Variants in ADORA2B observed in about 807,000 individuals in gnomAD.
The protein encoded by ADORA2B is adenosine A2b receptor.
Under a neutral mutation model 20.8 loss-of-function variants are expected in ADORA2B, and 18 were observed. The ratio of observed to expected loss-of-function variants is 0.87; its 90% CI spans 0.60 to 1.29. The LOEUF is 1.29. ADORA2B is among the 50% of genes most tolerant of loss of function. ADORA2B has a pLI of 0.00. For synonymous variants in ADORA2B, 179 were observed against 178.3 expected (o/e 1.00, Z -0.03); for missense variants, 441 against 422.7 (o/e 1.04, Z -0.38).
chr17:15,880,996 C>T, the ADORA2B span, among the ~76,000 whole-genome samples: 6,904 of 152,240 alleles, frequency 0.045, 383 homozygotes, highest in African/African-American at 0.13. Context: ...AGGGAGGATC[C>T]GTTTTTGCCA....
chr17:15,929,931 G>T, the ADORA2B span, among the ~76,000 whole-genome samples: 1 of 152,166 alleles, frequency 6.6e-6, no homozygotes, highest in Non-Finnish European at 1.5e-5. Flanking sequence ...TGAGAAAGGT[G>T]AGGTGAATGG....
intron 1 of ADORA2B, among the ~76,000 whole-genome samples, chr17:15,956,112 G>A (rs1430324215): frequency 6.6e-6 from 1 of 152,126 alleles, no homozygotes; most frequent in African/African-American, 2.4e-5. Flanking sequence ...GAGTTTCTTC[G>A]CTTTTTTTCC....
Position 15,975,202 on chromosome 17 carries a change from C to G in ADORA2B, c.859C>G (p.Pro287Ala). 3.1e-6 allele frequency: 5 copies of G among 1,614,140 alleles called. No individual in the cohort carries two copies. Among genetic ancestry groups the G allele is most frequent in the Non-Finnish European group, 4.2e-6 (5 of 1,180,054 alleles). ...LLSHANSVVN[P>A]IVYAYRNRDF... ...GTCACATGCCAATTCAGTTGTCAATCCCATTGTCTATGCTTACCGGAACCG... is the reference window on the plus strand; with the variant it reads ...GTCACATGCCAATTCAGTTGTCAATGCCATTGTCTATGCTTACCGGAACCG... Residue 287 changes from proline (P) to alanine (A), a missense_variant, in exon 2 of 2, where the codon CCC (proline) becomes GCC (alanine). Pro to Ala is a conservative substitution (Grantham distance 27, BLOSUM62 -1). Transcript: ENST00000304222.
intron 1 of ADORA2B, among the ~76,000 whole-genome samples, chr17:15,950,529 C>G (rs562005701): frequency 2.6e-3 from 390 of 152,308 alleles, no homozygotes; most frequent in African/African-American, 9.0e-3. Context: ...TGCGCCATCC[C>G]TCTTTTGGCA....
chr17:15,931,120 C>T, the ADORA2B span, among the ~76,000 whole-genome samples: 2 of 152,120 alleles, frequency 1.3e-5, no homozygotes, highest in African/African-American at 4.8e-5. Flanking sequence ...AGTTTGAGAC[C>T]AGCCTGGGCA....
At chr17:15,876,200 G>T in the ADORA2B span, among the ~76,000 whole-genome samples, 2 of 152,010 alleles carry the variant, frequency 1.3e-5, no homozygotes, top group Non-Finnish European at 2.9e-5. Flanking sequence ...ATGCTTGATG[G>T]TTTCCTTGGG....
At chr17:15,876,040 A>G in the ADORA2B span, among the ~76,000 whole-genome samples, 1 of 152,118 alleles carries the variant, frequency 6.6e-6, no homozygotes, top group Non-Finnish European at 1.5e-5. Context: ...TGCCTGGTGC[A>G]CAGATTCCCT....
At chr17:15,904,005 A>AT in the ADORA2B span, among the ~76,000 whole-genome samples, 13 of 151,724 alleles carry the variant, frequency 8.6e-5, no homozygotes, top group South Asian at 2.1e-4. Context: ...AATTTTAAGA[A>AT]TTTTTTTTGT....
At chr17:15,865,330 C>T in the ADORA2B span, among the ~76,000 whole-genome samples, 1 of 151,736 alleles carries the variant, frequency 6.6e-6, no homozygotes, top group African/African-American at 2.4e-5. Flanking sequence ...GGCGTGATCT[C>T]GGCTCACTGC....
chr17:15,925,031 A>G, the ADORA2B span, among the ~76,000 whole-genome samples: 3 of 150,404 alleles, frequency 2.0e-5, no homozygotes, highest in African/African-American at 7.4e-5. Flanking sequence ...ATGCCACCAC[A>G]CCTGGTTATT....
chr17:15,959,952 C>T (rs1024845506), intron 1 of ADORA2B, among the ~76,000 whole-genome samples: 1 of 152,124 alleles, frequency 6.6e-6, no homozygotes, highest in African/African-American at 2.4e-5. Flanking sequence ...TGAAAGAGTT[C>T]CTCAGTCTTT....
At chr17:15,893,514 C>T in the ADORA2B span, among the ~76,000 whole-genome samples, 5 of 151,508 alleles carry the variant, frequency 3.3e-5, no homozygotes, top group African/African-American at 1.2e-4. Context: ...TCCCTCCTCC[C>T]TTTCTTCCTC....
At chr17:15,969,453 AAAAT>A (rs1362666583) in intron 1 of ADORA2B, among the ~76,000 whole-genome samples, 4 of 152,146 alleles carry the variant, frequency 2.6e-5, no homozygotes, top group Non-Finnish European at 5.9e-5. Flanking sequence ...ACTCTGTCTC[AAAAT>A]AAATAAATAA....
At chr17:15,965,847 T>A (rs761328510) in intron 1 of ADORA2B, among the ~76,000 whole-genome samples, 8 of 152,250 alleles carry the variant, frequency 5.3e-5, no homozygotes, top group Non-Finnish European at 1.0e-4. Flanking sequence ...TCAGAACTCC[T>A]CTTTCATCTG....
At chr17:15,960,743 G>T (rs1376381799) in intron 1 of ADORA2B, among the ~76,000 whole-genome samples, 2 of 151,156 alleles carry the variant, frequency 1.3e-5, no homozygotes, top group Non-Finnish European at 1.5e-5. Context: ...GGGCATGGTG[G>T]TGGGTGCCTG....
rs1050751022 is a variant in ADORA2B, at chr17:15,945,573, G to A, written c.325G>A (p.Val109Ile). The change falls in exon 1 of 2, where the codon GTC (valine) becomes ATC (isoleucine). Residue 109 changes from valine (V) to isoleucine (I), a missense_variant. Val to Ile is a conservative substitution (Grantham distance 29). Transcript: ENST00000304222. ...AGTCGACAGATACCTGGCCATCTGT[G>A]TCCCGCTCAGGTGAGGCGCTCGGCG... The part of the protein sequence containing the change: ...VAVDRYLAIC[V>I]PLRYKSLVTG... 1 of 1,537,460 alleles carries A rather than the reference G, an allele frequency of 6.5e-7. No homozygotes were observed. Among genetic ancestry groups the A allele is most frequent in the Admixed American group, 1.9e-5 (1 of 52,668 alleles).
intron 1 of ADORA2B, chr17:15,974,425 T>G: frequency 2.3e-6 from 1 of 436,036 alleles, no homozygotes; most frequent in Non-Finnish European, 4.1e-6. Context: ...CCCCACCTCT[T>G]GTCATTGGCC....
chr17:15,953,015 C>T (rs571808997), intron 1 of ADORA2B, among the ~76,000 whole-genome samples: 4 of 152,198 alleles, frequency 2.6e-5, no homozygotes, highest in Non-Finnish European at 5.9e-5. Flanking sequence ...CACGGGCGGG[C>T]AGGCTTCCAC....
chr17:15,871,391 A>T, the ADORA2B span, among the ~76,000 whole-genome samples: 1 of 152,304 alleles, frequency 6.6e-6, no homozygotes, highest in South Asian at 2.1e-4. Flanking sequence ...CAAAGCCCAG[A>T]TGCTATTGGC....
Sources: allele counts gnomAD v4.1 joint callset (sites outside exome capture counted in the v4.1 genomes callset), GRCh38; gene constraint gnomAD v4.1.1; transcripts MANE v1.5; gene names NCBI Gene and HGNC (gene_info 2026-07-23, HGNC 2026-07-21).